Variants in DOCK1 observed in about 807,000 individuals in gnomAD.
DOCK1 encodes the protein dedicator of cytokinesis protein 1.
DOCK1 carries 138 observed loss-of-function variants against 262.7 expected under a neutral mutation model. The observed-to-expected ratio is 0.53, with a 90% CI of 0.46 to 0.61. The LOEUF (loss-of-function observed/expected upper bound fraction) is 0.61. Ranked by LOEUF, DOCK1 falls within the 20% of genes least tolerant of loss-of-function variation. The probability of loss-of-function intolerance (pLI) is 0.00; values close to 1 mark genes in which losing one functional copy is unlikely to be tolerated. For synonymous variants in DOCK1, 866 were observed against 867.4 expected, an observed-to-expected ratio of 1.00 and a Z score of 0.03; for missense variants, 1,908 against 2,370.7, an observed-to-expected ratio of 0.80 and a Z score of 4.05.
intron 43 of DOCK1, among the ~76,000 whole-genome samples, chr10:127,413,496 G>A (rs1288646755): frequency 6.6e-6 from 1 of 152,238 alleles, no homozygotes; most frequent in Non-Finnish European, 1.5e-5. Context: ...GCAGGGGGCT[G>A]GGGAAGCTGC....
intron 45 of DOCK1, among the ~76,000 whole-genome samples, chr10:127,419,305 G>C (rs1024111011): frequency 6.6e-6 from 1 of 152,202 alleles, no homozygotes; most frequent in Non-Finnish European, 1.5e-5. Flanking sequence ...TTGCCTTCAG[G>C]TGTAGGTCAG....
intron 24 of DOCK1, among the ~76,000 whole-genome samples, chr10:127,108,750 G>A (rs186324758): frequency 1.6e-4 from 25 of 152,286 alleles, no homozygotes; most frequent in Admixed American, 1.2e-3. Flanking sequence ...AATAGACGCA[G>A]CATCTATTAT....
At chr10:127,067,924 C>T (rs1444386129) in intron 23 of DOCK1, among the ~76,000 whole-genome samples, 2 of 151,876 alleles carry the variant, frequency 1.3e-5, no homozygotes, top group Non-Finnish European at 2.9e-5. Flanking sequence ...AATTTGAGGC[C>T]CCCCAAGCTG....
At chr10:127,327,889 T>C (rs1386799731) in intron 29 of DOCK1, among the ~76,000 whole-genome samples, 2 of 152,176 alleles carry the variant, frequency 1.3e-5, no homozygotes, top group African/African-American at 2.4e-5. Context: ...CTGTCACTTA[T>C]AGATCACTTA....
intron 27 of DOCK1, among the ~76,000 whole-genome samples, chr10:127,198,740 G>T (rs546452719): frequency 1.6e-5 from 1 of 63,170 alleles, no homozygotes; most frequent in South Asian, 1.1e-3. Flanking sequence ...CATTGGCATC[G>T]CTTCTTTTTT....
chr10:127,202,480 C>T (rs2057515547), intron 27 of DOCK1, among the ~76,000 whole-genome samples: 2 of 152,174 alleles, frequency 1.3e-5, no homozygotes, highest in African/African-American at 4.8e-5. Flanking sequence ...GGAGCTGCTG[C>T]AGGGAGGCCT....
intron 38 of DOCK1, among the ~76,000 whole-genome samples, chr10:127,389,080 G>A (rs751260803): frequency 1.8e-4 from 27 of 152,162 alleles, no homozygotes; most frequent in Non-Finnish European, 3.4e-4. Flanking sequence ...TCCTTCTTCC[G>A]TTAAAGAGGG....
chr10:127,255,549 A>G (rs1190209634), intron 28 of DOCK1, among the ~76,000 whole-genome samples: 2 of 152,220 alleles, frequency 1.3e-5, no homozygotes. Context: ...CACAGTTGTT[A>G]GGGGCCACCG....
chr10:127,078,220 G>A (rs1446403297), intron 23 of DOCK1, among the ~76,000 whole-genome samples: 1 of 152,152 alleles, frequency 6.6e-6, no homozygotes, highest in Non-Finnish European at 1.5e-5. Flanking sequence ...GGGTCTCTTA[G>A]TATGTAAATA....
chr10:127,351,419 G>T (rs532037602), intron 31 of DOCK1, among the ~76,000 whole-genome samples: 1 of 152,316 alleles, frequency 6.6e-6, no homozygotes, highest in Admixed American at 6.5e-5. Context: ...CCAAAATCAA[G>T]TGAAAGGAAA....
intron 29 of DOCK1, among the ~76,000 whole-genome samples, chr10:127,336,255 C>G (rs1590535135): frequency 2.0e-5 from 3 of 152,264 alleles, no homozygotes; most frequent in African/African-American, 7.2e-5. Context: ...ATCATTTATG[C>G]ATGTCCTGGA....
chr10:127,260,245 CT>C (rs2059974561), intron 29 of DOCK1, among the ~76,000 whole-genome samples: 1 of 152,174 alleles, frequency 6.6e-6, no homozygotes, highest in Non-Finnish European at 1.5e-5. Flanking sequence ...GGAAGAGAGT[CT>C]TTTGTTTTGA....
chr10:127,110,395 T>G (rs1449105279), intron 25 of DOCK1, 41 bp downstream of exon 25: 1 of 1,556,208 alleles, frequency 6.4e-7, no homozygotes, highest in Non-Finnish European at 8.8e-7. Context: ...TCCTGTTATT[T>G]ATTTTCTGAA....
intron 29 of DOCK1, among the ~76,000 whole-genome samples, chr10:127,323,307 G>A (rs934156173): frequency 2.3e-4 from 35 of 152,136 alleles, no homozygotes; most frequent in African/African-American, 8.4e-4. Context: ...GGGTGGTGCT[G>A]GTGTGTGTCT....
chr10:127,135,701 G>T (rs972837863), intron 27 of DOCK1: 1 of 152,580 alleles, frequency 6.6e-6, no homozygotes, highest in Non-Finnish European at 1.5e-5. Flanking sequence ...TTTATCTTCA[G>T]AAGTTCCTTT....
chr10:126,994,664 A>G (rs2040038804), intron 6 of DOCK1, among the ~76,000 whole-genome samples: 1 of 152,258 alleles, frequency 6.6e-6, no homozygotes, highest in African/African-American at 2.4e-5. Context: ...CAGCATCCCA[A>G]GGCAGAAGAA....
At position 127,176,881 on chromosome 10, in the gene DOCK1, G is replaced by A. The variant is rs1305679060; in HGVS notation, c.2847+49117G>A. 6.5e-6 allele frequency: 1 copy of A among 154,172 alleles called. No individual in the cohort carries two copies. The highest frequency in any genetic ancestry group is 1.4e-5 in the Non-Finnish European group (1 of 69,494). The allele number at this position is 154,172 out of a possible 1,614,324, so 9.6% of individuals were successfully genotyped here. A position where few individuals can be genotyped will look rare whatever the true frequency, so the allele number is the denominator to read the frequency against. On this transcript the variant is annotated intron_variant, in intron 27 of 51. Coordinates refer to ENST00000623213, the MANE Select transcript of DOCK1 (RefSeq NM_001290223.2). The surrounding 1 kb of genome is among the most constrained non-coding windows in gnomAD (Gnocchi z 4.4). ...GCTGCTGTTTTAAAGACTTACTGGAGCTGCCACGTCTCGAGCAGATAAATG... is the reference window on the plus strand; with the variant it reads ...GCTGCTGTTTTAAAGACTTACTGGAACTGCCACGTCTCGAGCAGATAAATG...
chr10:127,203,701 T>G (rs1040416456), intron 27 of DOCK1, among the ~76,000 whole-genome samples: 10 of 151,362 alleles, frequency 6.6e-5, no homozygotes, highest in African/African-American at 2.4e-4. Context: ...AGTCTTCGCT[T>G]TAATTGCACT....
intron 27 of DOCK1, among the ~76,000 whole-genome samples, chr10:127,242,859 G>A (rs550795302): frequency 5.3e-5 from 8 of 152,112 alleles, no homozygotes; most frequent in Admixed American, 2.0e-4. Context: ...GCATAATCCC[G>A]GATTCAGTCT....
Sources: allele counts gnomAD v4.1 joint callset (sites outside exome capture counted in the v4.1 genomes callset), GRCh38; gene constraint gnomAD v4.1.1; non-coding constraint Gnocchi (gnomAD v3.1); transcripts MANE v1.5; gene names NCBI Gene and HGNC (gene_info 2026-07-23, HGNC 2026-07-21).